The following TACC2 variants were observed in gnomAD, a reference collection of about 807,000 sequenced individuals.
TACC2 encodes the protein transforming acidic coiled-coil-containing protein 2.
A neutral mutation model predicts 227.3 loss-of-function variants in TACC2; 137 were observed. The ratio of observed to expected loss-of-function variants is 0.60; its 90% CI spans 0.52 to 0.69. The LOEUF is 0.69. Among genes scored for constraint, TACC2 ranks in the 30% least tolerant of loss-of-function variants. TACC2 has a pLI of 0.00. For missense variants in TACC2, 3,470 were observed against 3,694.4 expected, an observed-to-expected ratio of 0.94 and a Z score of 1.57; for synonymous variants, 1,523 against 1,487.5, an observed-to-expected ratio of 1.02 and a Z score of -0.55.
At chr10:122,067,728 A>G (rs929973462) in intron 3 of TACC2, among the ~76,000 whole-genome samples, 1 of 151,682 alleles carries the variant, frequency 6.6e-6, no homozygotes, top group Non-Finnish European at 1.5e-5. Flanking sequence ...CTGGTCTCGA[A>G]CTCCTGACCT....
intron 8 of TACC2, among the ~76,000 whole-genome samples, chr10:122,203,497 C>T (rs1304692291): frequency 6.6e-6 from 1 of 151,652 alleles, no homozygotes; most frequent in Non-Finnish European, 1.5e-5. Flanking sequence ...GGCTGCCGGG[C>T]GGAGGGGCTC....
chr10:122,099,880 C>A (rs2137569612), intron 5 of TACC2, among the ~76,000 whole-genome samples: 1 of 152,304 alleles, frequency 6.6e-6, no homozygotes, highest in African/African-American at 2.4e-5. Flanking sequence ...GTATACCTCT[C>A]ATTTAGTTCA....
At chr10:122,082,526 C>T (rs1443059872) in intron 3 of TACC2, 121 bp from the exon 4 acceptor site, 7 of 1,028,764 alleles carry the variant, frequency 6.8e-6, no homozygotes, top group Non-Finnish European at 1.0e-5. Context: ...CATGAGGATG[C>T]TGTGTCTGTG....
At chr10:122,183,598 G>C (rs553861309) in intron 7 of TACC2, among the ~76,000 whole-genome samples, 2 of 152,182 alleles carry the variant, frequency 1.3e-5, no homozygotes, top group Admixed American at 6.5e-5. Flanking sequence ...TGGAGGTCCT[G>C]GCTGGCTGCC....
At chr10:122,236,410 A>G (rs1196156005) in intron 16 of TACC2, among the ~76,000 whole-genome samples, 1 of 152,238 alleles carries the variant, frequency 6.6e-6, no homozygotes, top group African/African-American at 2.4e-5. Flanking sequence ...CTGGGCAGCC[A>G]TGACAGCGCC....
chr10:122,178,420 A>G (rs2093827996), intron 7 of TACC2, among the ~76,000 whole-genome samples: 1 of 151,964 alleles, frequency 6.6e-6, no homozygotes, highest in Admixed American at 6.5e-5. Flanking sequence ...TATTTTTAGT[A>G]GAGGCAAGGT....
Position 122,237,970 on chromosome 10 carries a change from A to G in TACC2, c.8281A>G (p.Lys2761Glu). The G allele has an allele frequency of 6.2e-7, 1 of 1,613,716 alleles. No individual in the cohort carries two copies. Among genetic ancestry groups the G allele is most frequent in the Non-Finnish European group, 8.5e-7 (1 of 1,179,678 alleles). Residue 2761 changes from lysine (K) to glutamate (E), a missense_variant, in exon 18 of 23, where the codon AAG (lysine) becomes GAG (glutamate). This residue lies in a region of TACC2 where 345 missense variants were observed against 354.4 expected (regional missense o/e 0.97). Transcript: ENST00000369005. ...LQIARAEIIT[K>E]EREVSEWKDK... ...TTCTCTCTGAAACTAGATCATAACC[A>G]AGGAGAGAGAGGTCTCAGAATGGAA...
At position 122,210,626 on chromosome 10, in the gene TACC2, C is replaced by T. The variant is rs773794685; in HGVS notation, c.6201C>T (p.Asn2067=). ...SDAKNQEGKV[N]TRRKSTDSVP... The stretch of plus-strand genomic sequence containing the variant: ...CTAAGAATCAGGAGGGCAAAGTGAA[C>T]ACACGGAGGAAGTCCACGGATTCCG... Residue 2067 remains asparagine (N), a synonymous_variant, in exon 9 of 23, where the codon AAC becomes AAT. Coordinates refer to ENST00000369005, the MANE Select transcript of TACC2 (RefSeq NM_206862.4). This position sits in a 1 kb window ranked among gnomAD's most constrained non-coding sequence, Gnocchi z 4.6. 6.8e-6 allele frequency: 11 copies of T among 1,613,958 alleles called. No homozygotes were observed. Among genetic ancestry groups the T allele is most frequent in the Non-Finnish European group, 9.3e-6 (11 of 1,180,032 alleles).
intron 8 of TACC2, 46 bp downstream of exon 8, chr10:122,195,222 A>G (rs766075034): frequency 1.3e-6 from 2 of 1,540,250 alleles, no homozygotes; most frequent in Non-Finnish European, 1.8e-6. Flanking sequence ...TAGAGTTGTG[A>G]GCCCTGGGGG....
Position 122,226,372 on chromosome 10 carries a change from G to A in TACC2, c.7615G>A (p.Asp2539Asn), listed in dbSNP as rs776714808. Residue 2539 changes from aspartate to asparagine, a missense_variant, in exon 13 of 23, where the codon GAC becomes AAC. This residue lies in a region of TACC2 where 345 missense variants were observed against 354.4 expected (regional missense o/e 0.97). Transcript: ENST00000369005. ...EKIGSSLPQD[D>N]DAPKKQALYL... is the part of the protein sequence containing the mutation. Reference sequence around the variant, plus strand: ...GTGATTTTGATCCCTGCAGCAGGACGACGATGCCCCGAAGAAGCAGGCCTT... The same window carrying A: ...GTGATTTTGATCCCTGCAGCAGGACAACGATGCCCCGAAGAAGCAGGCCTT... 4.1e-5 allele frequency: 66 copies of A among 1,613,512 alleles called. No homozygotes were observed. The highest frequency in any genetic ancestry group is 5.2e-5 in the Non-Finnish European group (61 of 1,179,682).
At chr10:122,061,836 C>T (rs2076855766) in intron 3 of TACC2, among the ~76,000 whole-genome samples, 1 of 152,028 alleles carries the variant, frequency 6.6e-6, no homozygotes, top group Non-Finnish European at 1.5e-5. Context: ...GGGGCTGGCT[C>T]TGCTGGGGAG....
At position 122,009,898 on chromosome 10, in the gene TACC2, C is replaced by T. The variant is rs527529318; in HGVS notation, c.-45-12039C>T. Among the ~76,000 whole-genome samples the T allele has an allele frequency of 5.3e-5, 8 of 152,250 alleles. No homozygotes were observed. In the East Asian group the frequency reaches 1.5e-3, roughly 29 times the overall value. ...CCAAGATTGCACCACTGCACTCCAG[C>T]CTGGTGACAGAGTGAGACTCTGTTT... is the stretch of plus-strand genomic sequence containing the variant. On this transcript the variant is annotated intron_variant, in intron 1 of 22. Transcript: ENST00000369005.
At position 122,083,541 on chromosome 10, in the gene TACC2, C is replaced by A. The variant is rs758375476; in HGVS notation, c.1041C>A (p.Pro347=). ...CATATCTGCCGCACGCAGAGCTGCC[C>A]TGGGGCTTGCCAAGTCCTGCCCTGG... ...VGAYLPHAEL[P]WGLPSPALVP... Residue 347 remains proline, a synonymous_variant, in exon 4 of 23, where the codon CCC becomes CCA. Transcript: ENST00000369005. 4 of 1,613,192 alleles carry A rather than the reference C, an allele frequency of 2.5e-6. No homozygotes were observed. Among genetic ancestry groups the A allele is most frequent in the Non-Finnish European group, 3.4e-6 (4 of 1,179,990 alleles).
At chr10:122,221,980 G>GC (rs1047198916) in intron 11 of TACC2, among the ~76,000 whole-genome samples, 1 of 152,160 alleles carries the variant, frequency 6.6e-6, no homozygotes, top group Admixed American at 6.5e-5. Flanking sequence ...GCTGTGCAGT[G>GC]CCCCCATATG....
intron 5 of TACC2, among the ~76,000 whole-genome samples, chr10:122,090,984 C>T (rs1272826967): frequency 6.6e-6 from 1 of 152,212 alleles, no homozygotes; most frequent in African/African-American, 2.4e-5. Flanking sequence ...AAGCAATCTT[C>T]CTGCTTCTGC....
chr10:122,211,588 C>G lies in TACC2; in HGVS notation c.7163C>G (p.Pro2388Arg). The change falls in exon 9 of 23, where the codon CCC becomes CGC. Residue 2388 changes from proline (P) to arginine (R), a missense_variant. Around this residue, in one of 10 missense-constraint regions of TACC2, gnomAD observed 593 missense variants for 636.6 expected, o/e 0.93. Transcript: ENST00000369005. ...CCCTTTAAGACATCCTCTAAGACCC[C>G]CAGCTCACCTTCTAAATCCCCAGCC... ...VDPFKTSSKT[P>R]SSPSKSPASF... is the part of the protein sequence containing the mutation. The G allele has an allele frequency of 6.2e-7, 1 of 1,614,070 alleles. No homozygotes were observed. The highest frequency in any genetic ancestry group is 8.5e-7 in the Non-Finnish European group (1 of 1,180,004).
intron 3 of TACC2, among the ~76,000 whole-genome samples, chr10:122,076,155 G>A (rs74997910): frequency 6.6e-6 from 1 of 152,162 alleles, no homozygotes; most frequent in Admixed American, 6.5e-5. Context: ...GCTGCTCCTG[G>A]TGAGGGCATT....
In TACC2 at chr10:122,192,654, G is replaced by A. The variant is rs569252593; in HGVS notation, c.5835-2386G>A. On this transcript the variant is annotated intron_variant, in intron 7 of 22. Coordinates refer to ENST00000369005, the MANE Select transcript of TACC2 (RefSeq NM_206862.4). ...GGGGAATTAGGGGTGGGAATTTGGGGGACAGAGGCTGTTCTTCAGCGGAAA... is the reference window on the plus strand; with the variant it reads ...GGGGAATTAGGGGTGGGAATTTGGGAGACAGAGGCTGTTCTTCAGCGGAAA... The A allele has an allele frequency of 8.7e-4, 399 of 456,038 alleles. 5 individuals are homozygous for A. The highest frequency in any genetic ancestry group is 6.0e-3 in the South Asian group (388 of 64,528). The allele number at this position is 456,038 out of a possible 1,614,324, so 28.2% of individuals were successfully genotyped here.
chr10:122,052,907 G>A (rs888783419), intron 3 of TACC2, among the ~76,000 whole-genome samples: 2 of 152,184 alleles, frequency 1.3e-5, no homozygotes, highest in Non-Finnish European at 2.9e-5. Flanking sequence ...TCCTGTGTGC[G>A]GTTTCAGTGA....
Sources: allele counts gnomAD v4.1 joint callset (sites outside exome capture counted in the v4.1 genomes callset), GRCh38; gene constraint gnomAD v4.1.1; regional missense constraint gnomAD v4.1.1; non-coding constraint Gnocchi (gnomAD v3.1); transcripts MANE v1.5; gene names NCBI Gene and HGNC (gene_info 2026-07-23, HGNC 2026-07-21).